KCNH5: variants seen among roughly 807,000 people sequenced by gnomAD.
KCNH5 encodes voltage-gated delayed rectifier potassium channel KCNH5.
A neutral mutation model predicts 96.1 loss-of-function variants in KCNH5; 46 were observed. That is an observed-to-expected ratio of 0.48 (90% CI 0.38 to 0.61). The LOEUF is 0.61. Ranked by LOEUF, KCNH5 falls within the 20% of genes least tolerant of loss-of-function variation. The pLI is 0.00. For synonymous variants in KCNH5, 439 were observed against 449.8 expected (o/e 0.98, Z 0.30); for missense variants, 907 against 1,225.8 (o/e 0.74, Z 3.88).
At chr14:62,998,976 A>C (rs1436184353) in intron 4 of KCNH5, among the ~76,000 whole-genome samples, 3 of 152,194 alleles carry the variant, frequency 2.0e-5, no homozygotes, top group African/African-American at 4.8e-5. Flanking sequence ...ATTAAACCTA[A>C]ATATTGCTGC....
At chr14:62,943,513 C>T (rs1450067493) in intron 7 of KCNH5, among the ~76,000 whole-genome samples, 4 of 152,072 alleles carry the variant, frequency 2.6e-5, no homozygotes, top group Admixed American at 1.3e-4. Context: ...TTCATGAAGG[C>T]ATCATTAAGT....
Position 62,802,481 on chromosome 14 carries a change from C to A in KCNH5, c.1670G>T (p.Gly557Val), listed in dbSNP as rs1446003210. Reference sequence around the variant, plus strand: ...CTCTACCGCCAAGGCGCGCAGACACCCATCGCTGGCCAATCGAAAAGCAGG... The same window carrying A: ...CTCTACCGCCAAGGCGCGCAGACACACATCGCTGGCCAATCGAAAAGCAGG... ...EHPAFRLASD[G>V]CLRALAVEFQ... The change falls in exon 9 of 11, where the codon GGG (glycine) becomes GTG (valine). Residue 557 changes from glycine to valine, a missense_variant. Gly to Val is a moderately radical substitution (Grantham distance 109). This residue lies in a region of KCNH5 where 95 missense variants were observed against 111.8 expected (regional missense o/e 0.85). Coordinates refer to ENST00000322893, the MANE Select transcript of KCNH5 (RefSeq NM_139318.5). 1 of 1,614,004 alleles carries A rather than the reference C, an allele frequency of 6.2e-7. No homozygotes were observed. The highest frequency in any genetic ancestry group is 8.5e-7 in the Non-Finnish European group (1 of 1,179,996).
intron 10 of KCNH5, among the ~76,000 whole-genome samples, chr14:62,772,110 C>A (rs370149448): frequency 1.9e-3 from 290 of 151,542 alleles, no homozygotes; most frequent in Middle Eastern, 0.01. Flanking sequence ...ACAACAACAA[C>A]AAAAAAAACA....
At chr14:62,904,723 C>G (rs1888993170) in intron 7 of KCNH5, among the ~76,000 whole-genome samples, 1 of 152,196 alleles carries the variant, frequency 6.6e-6, no homozygotes, top group South Asian at 2.1e-4. Flanking sequence ...AAGATGACTA[C>G]AAGGCTGGAC....
intron 6 of KCNH5, among the ~76,000 whole-genome samples, chr14:62,963,727 A>C (rs1383143633): frequency 6.6e-6 from 1 of 152,146 alleles, no homozygotes; most frequent in Non-Finnish European, 1.5e-5. Context: ...TCTCAGCAAG[A>C]AACAGATACA....
At chr14:63,015,714 A>G (rs953260064) in intron 2 of KCNH5, among the ~76,000 whole-genome samples, 1 of 151,996 alleles carries the variant, frequency 6.6e-6, no homozygotes, top group Non-Finnish European at 1.5e-5. Flanking sequence ...TCCTGCAGTT[A>G]TAACGCCCTG....
intron 7 of KCNH5, among the ~76,000 whole-genome samples, chr14:62,949,387 C>T (rs1011373425): frequency 3.3e-5 from 5 of 152,158 alleles, no homozygotes; most frequent in Non-Finnish European, 5.9e-5. Flanking sequence ...AACTTGAAGG[C>T]GTGAATGATG....
At chr14:62,752,295 G>C (rs1200767913) in intron 10 of KCNH5, among the ~76,000 whole-genome samples, 2 of 151,960 alleles carry the variant, frequency 1.3e-5, no homozygotes, top group Non-Finnish European at 2.9e-5. Flanking sequence ...TCCTGCCAAG[G>C]AAAGACCCCT....
At chr14:62,870,798 T>G (rs922134922) in intron 7 of KCNH5, among the ~76,000 whole-genome samples, 1 of 152,184 alleles carries the variant, frequency 6.6e-6, no homozygotes, top group African/African-American at 2.4e-5. Flanking sequence ...AAAAACTCTC[T>G]GGCATAGGTC....
At chr14:62,968,293 C>G (rs1005971467) in intron 6 of KCNH5, among the ~76,000 whole-genome samples, 8 of 152,144 alleles carry the variant, frequency 5.3e-5, no homozygotes, top group African/African-American at 1.9e-4. Context: ...TTTACACCTG[C>G]AAATAGTTTG....
intron 1 of KCNH5, among the ~76,000 whole-genome samples, chr14:63,031,241 T>C (rs190607209): frequency 1.9e-4 from 29 of 152,272 alleles, no homozygotes; most frequent in Middle Eastern, 3.4e-3. Flanking sequence ...TATTTTGTTT[T>C]AATATAAGGA....
intron 10 of KCNH5, among the ~76,000 whole-genome samples, chr14:62,778,496 C>T (rs1886144200): frequency 6.6e-6 from 1 of 152,192 alleles, no homozygotes; most frequent in African/African-American, 2.4e-5. Context: ...GGAGACATTC[C>T]TGCTTAATAC....
intron 10 of KCNH5, among the ~76,000 whole-genome samples, chr14:62,772,275 G>C (rs1277387141): frequency 2.0e-5 from 3 of 151,692 alleles, no homozygotes; most frequent in Non-Finnish European, 2.9e-5. Context: ...TGGTAAGCTT[G>C]TCAATATTTT....
intron 7 of KCNH5, among the ~76,000 whole-genome samples, chr14:62,902,117 CT>C (rs1566701353): frequency 6.6e-6 from 1 of 152,006 alleles, no homozygotes; most frequent in Non-Finnish European, 1.5e-5. Flanking sequence ...GGATGTTAGA[CT>C]TTTGTCATTG....
At chr14:62,912,917 A>T (rs1461059869) in intron 7 of KCNH5, among the ~76,000 whole-genome samples, 2 of 152,250 alleles carry the variant, frequency 1.3e-5, no homozygotes, top group Non-Finnish European at 2.9e-5. Flanking sequence ...CTGTCTACTT[A>T]AGGCTAAACC....
intron 10 of KCNH5, among the ~76,000 whole-genome samples, chr14:62,708,987 T>C (rs1462557019): frequency 6.6e-6 from 1 of 152,030 alleles, no homozygotes; most frequent in African/African-American, 2.4e-5. Context: ...GGCTCACGCC[T>C]GTAATCCCAG....
chr14:62,814,600 T>C (rs892446685), intron 8 of KCNH5, among the ~76,000 whole-genome samples: 1 of 151,556 alleles, frequency 6.6e-6, no homozygotes, highest in Non-Finnish European at 1.5e-5. Flanking sequence ...CTGGCCAACA[T>C]GGCAAAACGC....
intron 9 of KCNH5, among the ~76,000 whole-genome samples, chr14:62,800,010 GA>G (rs946960775): frequency 4.0e-4 from 61 of 151,106 alleles, no homozygotes; most frequent in African/African-American, 1.4e-3. Flanking sequence ...AAGAAGAGGA[GA>G]ATCAGGAAAA....
In KCNH5 at chr14:63,016,840, C is replaced by G; in HGVS notation, c.188G>C (p.Ser63Thr). The G allele has an allele frequency of 6.2e-7, 1 of 1,609,670 alleles. No homozygotes were observed. ...YHRADVMQKS[S>T]TCSFMYGELT... ...CTATTCTGTTACCTACCTGCAAGTG[C>G]TGCTTTTCTGCATGACGTCAGCTCG... The change falls in exon 2 of 11, where the codon AGC becomes ACC. Residue 63 changes from serine to threonine, a missense_variant. Around this residue, in one of 6 missense-constraint regions of KCNH5, gnomAD observed 370 missense variants for 561.3 expected, o/e 0.66. Transcript: ENST00000322893.
Sources: gnomAD v4.1 joint callset for allele counts (sites outside exome capture counted in the v4.1 genomes callset) on GRCh38, gnomAD v4.1.1 for gene constraint, gnomAD v4.1.1 regional missense constraint, MANE v1.5 for transcripts, NCBI Gene and HGNC (gene_info 2026-07-23, HGNC 2026-07-21) for gene names.